Variants in SGMS2 observed in about 807,000 individuals in gnomAD.
SGMS2 encodes sphingomyelin synthase 2.
SGMS2 carries 21 observed loss-of-function variants against 43.8 expected under a neutral mutation model. The observed-to-expected ratio is 0.48, with a 90% confidence interval of 0.34 to 0.69. The LOEUF (loss-of-function observed/expected upper bound fraction) is 0.69, where lower values mean the gene tolerates loss of function less well. Ranked by LOEUF, SGMS2 falls within the 30% of genes least tolerant of loss-of-function variation. SGMS2 has a pLI of 0.01. For synonymous variants in SGMS2, 167 were observed against 160.6 expected (o/e 1.04, Z -0.30); for missense variants, 384 against 443.2 (o/e 0.87, Z 1.20).
In SGMS2 at chr4:107,883,380, T is replaced by G. The variant is rs1005264320; in HGVS notation, c.-244-11930T>G. Among the ~76,000 whole-genome samples the G allele has an allele frequency of 3.3e-5, 5 of 152,220 alleles. No homozygotes were observed. In the East Asian group the frequency reaches 9.6e-4, roughly 29 times the overall value. On this transcript the variant is annotated intron_variant, in intron 2 of 6. Transcript: ENST00000690982. ...CCCAGGCTGGAGCACAGTGGTGCAA[T>G]CTCAGCTCACTGCAACCTCTGCCTC...
chr4:107,888,209 C>A (rs1411504221), intron 2 of SGMS2, among the ~76,000 whole-genome samples: 1 of 152,032 alleles, frequency 6.6e-6, no homozygotes, highest in African/African-American at 2.4e-5. Context: ...TAATTGCTGT[C>A]AGTGTTTAAA....
chr4:107,862,090 C>T (rs962022152), intron 2 of SGMS2, among the ~76,000 whole-genome samples: 12 of 152,138 alleles, frequency 7.9e-5, no homozygotes, highest in African/African-American at 1.7e-4. Flanking sequence ...GTGGTGGGGG[C>T]GGCTTTTCTA....
intron 1 of SGMS2, among the ~76,000 whole-genome samples, chr4:107,847,247 G>A (rs192812425): frequency 0.035 from 5,300 of 152,174 alleles, 308 homozygotes; most frequent in African/African-American, 0.12. Flanking sequence ...ATGGTTTTAG[G>A]TCTAACATTT....
chr4:107,845,171 G>C (rs1726743776), intron 1 of SGMS2, among the ~76,000 whole-genome samples: 1 of 152,226 alleles, frequency 6.6e-6, no homozygotes, highest in Non-Finnish European at 1.5e-5. Flanking sequence ...TAGAGATGGA[G>C]TCTTTTGGGC....
At chr4:107,879,487 A>G (rs1174692508) in intron 2 of SGMS2, among the ~76,000 whole-genome samples, 1 of 149,060 alleles carries the variant, frequency 6.7e-6, no homozygotes, top group Admixed American at 6.7e-5. Flanking sequence ...TTCGAGACCG[A>G]GTCTCACTCT....
chr4:107,880,349 T>C (rs895039817), intron 2 of SGMS2, among the ~76,000 whole-genome samples: 2 of 152,220 alleles, frequency 1.3e-5, no homozygotes, highest in African/African-American at 4.8e-5. Flanking sequence ...GTTGGGAAAG[T>C]ATTTCAGAAA....
At position 107,912,292 on chromosome 4, in the gene SGMS2, TA is replaced by T. The variant is rs1302621142; in HGVS notation, c.*1742del. The T allele has an allele frequency of 6.6e-6, 1 of 152,202 alleles. No homozygotes were observed. Among genetic ancestry groups the T allele is most frequent in the Non-Finnish European group, 1.5e-5 (1 of 68,032 alleles). 9.4% of individuals were successfully genotyped at this position (152,202 alleles called of 1,614,324 possible). ...GCAAGACTCTTTAATTCAGTTATTTTAAACAAGAATTAAAACCCCAAACATC... is the reference window on the plus strand; with the variant it reads ...GCAAGACTCTTTAATTCAGTTATTTTAACAAGAATTAAAACCCCAAACATC... On this transcript the variant is annotated 3_prime_UTR_variant, in exon 7 of 7. Coordinates refer to ENST00000690982, the MANE Select transcript of SGMS2 (RefSeq NM_001375905.1).
chr4:107,874,717 G>T (rs1728783896), intron 2 of SGMS2, among the ~76,000 whole-genome samples: 3 of 151,946 alleles, frequency 2.0e-5, no homozygotes, highest in Admixed American at 2.0e-4. Flanking sequence ...GATAAATATT[G>T]TATATTTTAA....
chr4:107,862,125 T>A (rs2126034125), intron 2 of SGMS2, among the ~76,000 whole-genome samples: 1 of 152,364 alleles, frequency 6.6e-6, no homozygotes, highest in East Asian at 1.9e-4. Flanking sequence ...TCTCTGAGTA[T>A]TTAACGCATA....
At chr4:107,841,718 C>T (rs949525502) in intron 1 of SGMS2, among the ~76,000 whole-genome samples, 1 of 151,822 alleles carries the variant, frequency 6.6e-6, no homozygotes, top group Non-Finnish European at 1.5e-5. Flanking sequence ...GGCTGGAGTA[C>T]TGTGGTGCAA....
In SGMS2 at chr4:107,895,958, G is replaced by A. The variant is rs139136267; in HGVS notation, c.405G>A (p.Gly135=). ...CATTTTCTGTATCAGAAATAAATGG[G>A]ATTATATTAGTTGGATTATGGATCA... ...KWAFSVSEIN[G]IILVGLWITQ... The change falls in exon 3 of 7, where the codon GGG becomes GGA. Residue 135 remains glycine (G), a synonymous_variant. Transcript: ENST00000690982. The A allele has an allele frequency of 4.6e-5, 75 of 1,613,876 alleles. No individual in the cohort carries two copies. The African/African-American group carries it at 6.7e-4, about 14-fold the overall frequency.
rs111724428 is a variant in SGMS2 at position 107,910,715 on chromosome 4, G to T, written c.*162G>T. On this transcript the variant is annotated 3_prime_UTR_variant, in exon 7 of 7. Transcript: ENST00000690982. ...ATGAACAAAGTATTGCCCTTTGACT[G>T]GTTTTCTTCTTCATCCTGAGAAAGA... is the stretch of plus-strand genomic sequence containing the variant. 2 of 634,458 alleles carry T rather than the reference G, an allele frequency of 3.2e-6. No homozygotes were observed. The highest frequency in any genetic ancestry group is 5.3e-6 in the Non-Finnish European group (2 of 374,374). 39.3% of individuals were successfully genotyped at this position (634,458 alleles called of 1,614,324 possible). A position where few individuals can be genotyped will look rare whatever the true frequency, so the allele number is the denominator to read the frequency against.
intron 2 of SGMS2, chr4:107,893,667 T>C (rs537245558): frequency 2.6e-5 from 4 of 152,258 alleles, no homozygotes; most frequent in Non-Finnish European, 5.9e-5. Flanking sequence ...AGGTGAGATG[T>C]TTATAATTCT....
At chr4:107,879,478 T>TTTTC (rs35727642) in intron 2 of SGMS2, among the ~76,000 whole-genome samples, 1 of 150,016 alleles carries the variant, frequency 6.7e-6, no homozygotes, top group Non-Finnish European at 1.5e-5. Context: ...TTTTTTTTTT[T>TTTTC]CGAGACCGAG....
chr4:107,867,630 A>G (rs958467690), intron 2 of SGMS2: 4 of 152,188 alleles, frequency 2.6e-5, no homozygotes, highest in African/African-American at 9.7e-5. Context: ...AATTCACTTG[A>G]TATCTCTGTG....
intron 2 of SGMS2, among the ~76,000 whole-genome samples, chr4:107,877,913 C>CTTTTTTTTTTTTTTTTTTTTTTTTTTTT (rs774442653): frequency 9.8e-6 from 1 of 102,178 alleles, no homozygotes; most frequent in African/African-American, 3.9e-5. Flanking sequence ...TTTTTCTTTT[C>CTTTTTTTTTTTTTTTTTTTTTTTTTTTT]TTTTTTTTTT....
At chr4:107,878,691 C>T (rs937663341) in intron 2 of SGMS2, among the ~76,000 whole-genome samples, 1 of 152,122 alleles carries the variant, frequency 6.6e-6, no homozygotes. Context: ...CATGTGACTC[C>T]ATCTTCTTTT....
intron 1 of SGMS2, among the ~76,000 whole-genome samples, chr4:107,832,864 C>CA (rs1230832239): frequency 1.3e-5 from 2 of 151,982 alleles, no homozygotes; most frequent in African/African-American, 4.8e-5. Context: ...CCCTCCTCTA[C>CA]AAAAAACACA....
intron 1 of SGMS2, among the ~76,000 whole-genome samples, chr4:107,839,378 G>T (rs193200020): frequency 4.3e-5 from 6 of 138,238 alleles, no homozygotes; most frequent in East Asian, 3.9e-4. Context: ...TGTGGAAGTG[G>T]TTTTTTTTTT....
Sources: gnomAD v4.1 joint callset for allele counts (sites outside exome capture counted in the v4.1 genomes callset) on GRCh38, gnomAD v4.1.1 for gene constraint, MANE v1.5 for transcripts, NCBI Gene and HGNC (gene_info 2026-07-23, HGNC 2026-07-21) for gene names.